Variants in CCDC148 observed in about 807,000 individuals in gnomAD.
CCDC148 encodes coiled-coil domain-containing protein 148.
A neutral mutation model predicts 85.7 loss-of-function variants in CCDC148; 89 were observed. The ratio of observed to expected loss-of-function variants is 1.04; its 90% CI spans 0.87 to 1.24. The LOEUF is 1.24. CCDC148 is among the 50% of genes most tolerant of loss of function. The pLI, the probability that CCDC148 is intolerant of heterozygous loss-of-function variation, is 0.00. For synonymous variants in CCDC148, 230 were observed against 213.9 expected (o/e 1.08, Z -0.66); for missense variants, 692 against 671.7 (o/e 1.03, Z -0.33).
Position 158,340,224 on chromosome 2 carries a change from T to C in CCDC148, c.486+18A>G. On this transcript the variant is annotated intron_variant, in intron 5 of 13. Coordinates refer to ENST00000283233, the MANE Select transcript of CCDC148 (RefSeq NM_138803.4). ...AAATGAAATATTACATTATGGAAAA[T>C]AAAGGTAACATACTAACCTCTTCCA... The C allele has an allele frequency of 6.2e-7, 1 of 1,607,144 alleles. No individual in the cohort carries two copies. Among genetic ancestry groups the C allele is most frequent in the East Asian group, 2.2e-5 (1 of 44,750 alleles).
intron 1 of CCDC148, chr2:158,393,427 G>A (rs1685398889): frequency 6.6e-6 from 1 of 152,130 alleles, no homozygotes; most frequent in African/African-American, 2.4e-5. Flanking sequence ...GACAGGTGAT[G>A]TATAAGGTGA....
chr2:158,416,539 A>G (rs1686508206), intron 1 of CCDC148, among the ~76,000 whole-genome samples: 1 of 152,212 alleles, frequency 6.6e-6, no homozygotes, highest in South Asian at 2.1e-4. Context: ...CTGGGGCACA[A>G]TGCTGTATTT....
At chr2:158,437,342 T>C (rs928215880) in intron 1 of CCDC148, among the ~76,000 whole-genome samples, 5 of 152,218 alleles carry the variant, frequency 3.3e-5, no homozygotes, top group Admixed American at 6.5e-5. Flanking sequence ...TCAATAAATG[T>C]AATACCTCAC....
intron 10 of CCDC148, among the ~76,000 whole-genome samples, chr2:158,222,756 C>A (rs1443145928): frequency 6.6e-6 from 1 of 152,144 alleles, no homozygotes; most frequent in Admixed American, 6.5e-5. Context: ...GGATATATCA[C>A]CCTCTACCTG....
At chr2:158,351,355 T>A (rs886138423) in intron 2 of CCDC148, among the ~76,000 whole-genome samples, 13 of 152,148 alleles carry the variant, frequency 8.5e-5, no homozygotes, top group African/African-American at 2.9e-4. Flanking sequence ...TGCCAGACAG[T>A]GGGCGCAGGT....
intron 1 of CCDC148, among the ~76,000 whole-genome samples, chr2:158,432,489 A>T (rs1687401198): frequency 6.6e-6 from 1 of 152,188 alleles, no homozygotes; most frequent in Non-Finnish European, 1.5e-5. Context: ...AAATTCAACA[A>T]TGTAGATGTA....
intron 1 of CCDC148, among the ~76,000 whole-genome samples, chr2:158,372,703 G>A (rs1684498003): frequency 6.6e-6 from 1 of 151,836 alleles, no homozygotes; most frequent in South Asian, 2.1e-4. Context: ...TGCTCTTCTA[G>A]CCCAGCTACC....
intron 9 of CCDC148, among the ~76,000 whole-genome samples, chr2:158,300,424 T>C (rs552311400): frequency 1.3e-5 from 2 of 152,200 alleles, no homozygotes. Flanking sequence ...TGTGACATAA[T>C]CATAATCACA....
At chr2:158,330,985 A>G (rs1693076940) in intron 7 of CCDC148, among the ~76,000 whole-genome samples, 1 of 152,020 alleles carries the variant, frequency 6.6e-6, no homozygotes, top group South Asian at 2.1e-4. Context: ...GATTTTTTGA[A>G]GGGTTTTTCT....
intron 9 of CCDC148, among the ~76,000 whole-genome samples, chr2:158,292,056 GC>G (rs1690918853): frequency 6.6e-6 from 1 of 152,030 alleles, no homozygotes; most frequent in South Asian, 2.1e-4. Flanking sequence ...TATTATAAAT[GC>G]CTCAGGCACT....
intron 11 of CCDC148, among the ~76,000 whole-genome samples, chr2:158,186,801 A>T (rs946191524): frequency 2.6e-5 from 4 of 151,586 alleles, no homozygotes; most frequent in African/African-American, 9.7e-5. Context: ...CCCTCCTGAA[A>T]TTTTTTTTCT....
rs533267892 is a variant in CCDC148, at chr2:158,173,126, C to T, written c.1630-867G>A. On this transcript the variant is annotated intron_variant, in intron 13 of 13. Coordinates refer to ENST00000283233, the MANE Select transcript of CCDC148 (RefSeq NM_138803.4). ...ATGGGGGTGCATCTCCTGGTGGTGG[C>T]GGCATGCGGATGGTCTCAGGTGAAG... 5.3e-5 allele frequency among the ~76,000 whole-genome samples: 8 copies of T among 152,068 alleles called. No individual in the cohort carries two copies. In the East Asian group the frequency reaches 1.2e-3, roughly 22 times the overall value.
chr2:158,449,525 G>A (rs1046512784), intron 1 of CCDC148, among the ~76,000 whole-genome samples: 2 of 151,458 alleles, frequency 1.3e-5, no homozygotes, highest in African/African-American at 4.9e-5. Flanking sequence ...TCGGCTCACT[G>A]CAGCCCCCAC....
intron 10 of CCDC148, among the ~76,000 whole-genome samples, chr2:158,231,085 A>T (rs1221409938): frequency 1.3e-5 from 2 of 152,290 alleles, no homozygotes; most frequent in East Asian, 3.9e-4. Context: ...GAAGGCACAG[A>T]TGGGTGGCTT....
intron 13 of CCDC148, among the ~76,000 whole-genome samples, chr2:158,173,278 G>A (rs549297675): frequency 1.1e-4 from 17 of 152,134 alleles, no homozygotes; most frequent in African/African-American, 3.6e-4. Flanking sequence ...TGGGATAAGG[G>A]TGGTTTGAGC....
intron 7 of CCDC148, among the ~76,000 whole-genome samples, chr2:158,317,145 A>G: frequency 6.6e-6 from 1 of 152,166 alleles, no homozygotes; most frequent in South Asian, 2.1e-4. Flanking sequence ...AAATGACTCT[A>G]CGTTAAAAGA....
intron 1 of CCDC148, among the ~76,000 whole-genome samples, chr2:158,420,537 TGA>T: frequency 6.6e-6 from 1 of 152,080 alleles, no homozygotes. Flanking sequence ...AAGCAAATAC[TGA>T]GAGATTTTGT....
At chr2:158,178,778 G>C in intron 12 of CCDC148, 101 bp downstream of exon 12, 1 of 774,406 alleles carries the variant, frequency 1.3e-6, no homozygotes, top group Non-Finnish European at 2.2e-6. Context: ...ATTTTATATA[G>C]CAGATGTCAT....
chr2:158,376,472 C>T (rs914573525), intron 1 of CCDC148, among the ~76,000 whole-genome samples: 2 of 151,976 alleles, frequency 1.3e-5, no homozygotes, highest in African/African-American at 2.4e-5. Flanking sequence ...AAAATAGCAA[C>T]CTACCACTCT....
Sources: gnomAD v4.1 joint callset for allele counts (sites outside exome capture counted in the v4.1 genomes callset) on GRCh38, gnomAD v4.1.1 for gene constraint, MANE v1.5 for transcripts, NCBI Gene and HGNC (gene_info 2026-07-23, HGNC 2026-07-21) for gene names.